NR2F1-AS1: variants seen among roughly 807,000 people sequenced by gnomAD.
NR2F1-AS1 encodes the protein NR2F1 regulatory antisense RNA 1.
At chr5:93,566,254 G>A (rs536083043) in intron 1 of NR2F1-AS1, among the ~76,000 whole-genome samples, 49 of 152,032 alleles carry the variant, frequency 3.2e-4, no homozygotes, top group Non-Finnish European at 6.3e-4. Context: ...ATATATAATG[G>A]AAACAGATGT....
chr5:93,436,731 C>T (rs1749440229), intron 4 of NR2F1-AS1, among the ~76,000 whole-genome samples: 1 of 151,964 alleles, frequency 6.6e-6, no homozygotes, highest in South Asian at 2.1e-4. Context: ...TGTTCACAAG[C>T]CACAAAATTA....
chr5:93,537,668 A>G (rs1751866922), intron 4 of NR2F1-AS1, among the ~76,000 whole-genome samples: 1 of 152,208 alleles, frequency 6.6e-6, no homozygotes, highest in Non-Finnish European at 1.5e-5. Flanking sequence ...AGTATTGGCA[A>G]GGATGTGGAA....
intron 4 of NR2F1-AS1, among the ~76,000 whole-genome samples, chr5:93,512,350 T>C (rs1448262110): frequency 6.6e-6 from 1 of 152,190 alleles, no homozygotes; most frequent in African/African-American, 2.4e-5. Flanking sequence ...GTACAATGTG[T>C]TTATGTTTTA....
At chr5:93,455,489 C>T (rs1168316345) in intron 4 of NR2F1-AS1, among the ~76,000 whole-genome samples, 1 of 151,936 alleles carries the variant, frequency 6.6e-6, no homozygotes, top group Admixed American at 6.6e-5. Context: ...TTAAACTCAA[C>T]CATACCAATA....
In NR2F1-AS1 at chr5:93,419,642, C is replaced by T. The variant is rs555162281; in HGVS notation, n.639-24100G>A. ...GCATAGAAATATCGGAAAGGATATACATTAATAGTGGTCACTTCTGGAAAG... is the reference window on the plus strand; with the variant it reads ...GCATAGAAATATCGGAAAGGATATATATTAATAGTGGTCACTTCTGGAAAG... On this transcript the variant is annotated intron_variant and non_coding_transcript_variant, in intron 4 of 5. Transcript: ENST00000660523. 4.6e-5 allele frequency among the ~76,000 whole-genome samples: 7 copies of T among 152,238 alleles called. No homozygotes were observed. In the East Asian group the frequency reaches 1.2e-3, roughly 25 times the overall value.
intron 4 of NR2F1-AS1, among the ~76,000 whole-genome samples, chr5:93,468,653 AG>A (rs1750297074): frequency 6.6e-6 from 1 of 152,168 alleles, no homozygotes. Context: ...TAGTTTAATT[AG>A]ATCCCGTTTG....
At chr5:93,444,752 T>C (rs1749658199) in intron 4 of NR2F1-AS1, among the ~76,000 whole-genome samples, 1 of 152,184 alleles carries the variant, frequency 6.6e-6, no homozygotes, top group Non-Finnish European at 1.5e-5. Flanking sequence ...TATACATTCT[T>C]CTCAGCACCA....
intron 4 of NR2F1-AS1, among the ~76,000 whole-genome samples, chr5:93,495,905 GT>G (rs1167264474): frequency 2.0e-5 from 3 of 152,022 alleles, no homozygotes; most frequent in Non-Finnish European, 2.9e-5. Flanking sequence ...GGAAAAAAAT[GT>G]TTTGTGGATA....
intron 1 of NR2F1-AS1, among the ~76,000 whole-genome samples, chr5:93,574,681 T>G (rs1394024742): frequency 1.3e-5 from 2 of 152,222 alleles, no homozygotes; most frequent in East Asian, 1.9e-4. Flanking sequence ...TGACTTTGTT[T>G]GATTTTTTTC....
At chr5:93,482,540 G>A (rs952385612) in intron 4 of NR2F1-AS1, among the ~76,000 whole-genome samples, 2 of 152,080 alleles carry the variant, frequency 1.3e-5, no homozygotes, top group Admixed American at 1.3e-4. Flanking sequence ...GGCAGACACC[G>A]AGCTAACTAC....
chr5:93,536,806 C>T lies in NR2F1-AS1; in HGVS notation n.638+16955G>A, dbSNP rs186342830. On this transcript the variant is annotated intron_variant and non_coding_transcript_variant, in intron 4 of 5. Transcript: ENST00000660523. ...CTCTGTGTCCTCACCCAAATCTCAT[C>T]TTGTAGCTCCCATAATTCCCACGTG... Among the ~76,000 whole-genome samples, 352 of 152,318 alleles carry T rather than the reference C, an allele frequency of 2.3e-3. 1 individual carries two copies. Among genetic ancestry groups the T allele is most frequent in the South Asian group, 9.3e-3 (45 of 4,820 alleles).
chr5:93,566,452 A>T (rs577852649), intron 1 of NR2F1-AS1, among the ~76,000 whole-genome samples: 1 of 152,112 alleles, frequency 6.6e-6, no homozygotes, highest in African/African-American at 2.4e-5. Flanking sequence ...ACTACAGAAG[A>T]GAAACAAATA....
At chr5:93,415,475 CA>C (rs1292469237) in intron 4 of NR2F1-AS1, among the ~76,000 whole-genome samples, 2 of 152,144 alleles carry the variant, frequency 1.3e-5, no homozygotes, top group African/African-American at 4.8e-5. Context: ...TGATCTAATC[CA>C]AATAATCAAC....
chr5:93,444,890 A>G (rs1414151892), intron 4 of NR2F1-AS1, among the ~76,000 whole-genome samples: 3 of 152,236 alleles, frequency 2.0e-5, no homozygotes, highest in Non-Finnish European at 4.4e-5. Context: ...TTGAGGATTA[A>G]GAAACTCACT....
rs72786619 is a variant in NR2F1-AS1, at chr5:93,524,374, C to T, written n.638+29387G>A. On this transcript the variant is annotated intron_variant and non_coding_transcript_variant, in intron 4 of 5. Transcript: ENST00000660523. ...GGACTATGTGAATAGACCAAACCTG[C>T]GTTTGATTGGTGTATCTGAAAGTGA... Among the ~76,000 whole-genome samples the T allele has an allele frequency of 2.9e-3, 447 of 152,182 alleles. 1 individual carries two copies. Among genetic ancestry groups the T allele is most frequent in the Non-Finnish European group, 4.1e-3 (280 of 68,020 alleles).
intron 2 of NR2F1-AS1, among the ~76,000 whole-genome samples, chr5:93,561,444 T>C (rs1200528410): frequency 1.3e-5 from 2 of 152,074 alleles, no homozygotes; most frequent in African/African-American, 2.4e-5. Flanking sequence ...AGCTAATGTA[T>C]GGTCAAGACC....
intron 4 of NR2F1-AS1, chr5:93,553,635 A>G (rs1223289484): frequency 6.6e-6 from 1 of 152,226 alleles, no homozygotes; most frequent in East Asian, 1.9e-4. Context: ...GTAATGAAGC[A>G]TCATGGTTCA....
intron 4 of NR2F1-AS1, among the ~76,000 whole-genome samples, chr5:93,529,126 T>A (rs935635679): frequency 4.0e-4 from 61 of 152,166 alleles, no homozygotes; most frequent in Non-Finnish European, 6.0e-4. Context: ...AAACTTCTTA[T>A]GCTGACAAGC....
intron 4 of NR2F1-AS1, among the ~76,000 whole-genome samples, chr5:93,437,942 G>C (rs1335682440): frequency 1.3e-5 from 2 of 152,158 alleles, no homozygotes; most frequent in Non-Finnish European, 1.5e-5. Flanking sequence ...TCTTACTGTT[G>C]AAAGGTAATT....
Sources: gnomAD v4.1 joint callset for allele counts (sites outside exome capture counted in the v4.1 genomes callset) on GRCh38, gnomAD v4.1.1 for gene constraint, MANE v1.5 for transcripts, NCBI Gene and HGNC (gene_info 2026-07-23, HGNC 2026-07-21) for gene names.